Variants in SEL1L3 observed in about 807,000 individuals in gnomAD.
SEL1L3 encodes SEL1L family member 3.
A neutral mutation model predicts 142.8 loss-of-function variants in SEL1L3; 76 were observed. The ratio of observed to expected loss-of-function variants is 0.53; its 90% confidence interval spans 0.44 to 0.64. The LOEUF (loss-of-function observed/expected upper bound fraction) is 0.64. SEL1L3 is among the 30% of genes least tolerant of loss of function. The pLI is 0.00. For synonymous variants in SEL1L3, 504 were observed against 519.6 expected, an observed-to-expected ratio of 0.97 and a Z score of 0.41; for missense variants, 1,262 against 1,381.7, an observed-to-expected ratio of 0.91 and a Z score of 1.37.
chr4:25,856,138 C>G (rs1717238436), intron 1 of SEL1L3, among the ~76,000 whole-genome samples: 1 of 152,200 alleles, frequency 6.6e-6, no homozygotes, highest in Non-Finnish European at 1.5e-5. Flanking sequence ...TTCCATTTCT[C>G]CACACCAAAA....
At chr4:25,725,715 G>A in the SEL1L3 span, among the ~76,000 whole-genome samples, 6 of 152,274 alleles carry the variant, frequency 3.9e-5, no homozygotes, top group East Asian at 1.2e-3. Context: ...CTGAAACTAA[G>A]GATTTCTCTT....
chr4:25,755,704 G>GA (rs760916347), intron 23 of SEL1L3, among the ~76,000 whole-genome samples: 5 of 152,230 alleles, frequency 3.3e-5, no homozygotes, highest in Non-Finnish European at 5.9e-5. Context: ...CATGGAGACA[G>GA]AAAAAAGAGA....
In SEL1L3 at chr4:25,830,142, A is replaced by G; in HGVS notation, c.1113T>C (p.Thr371=). 6.2e-7 allele frequency: 1 copy of G among 1,607,658 alleles called. No individual in the cohort carries two copies. Among genetic ancestry groups the G allele is most frequent in the Non-Finnish European group, 8.5e-7 (1 of 1,174,310 alleles). Residue 371 remains threonine, a synonymous_variant, in exon 6 of 24, where the codon ACT becomes ACC. Transcript: ENST00000399878. ...SFNGGQIVVT[T]SIGQDLKSYH... is the part of the protein sequence containing the mutation. The stretch of plus-strand genomic sequence containing the variant: ...AGCTTTTCAAATCCTGTCCAATGCT[A>G]GTGGTTACTACTATCTATGATGGGA...
At chr4:25,854,120 G>A (rs1157633947) in intron 1 of SEL1L3, among the ~76,000 whole-genome samples, 1 of 152,166 alleles carries the variant, frequency 6.6e-6, no homozygotes, top group Non-Finnish European at 1.5e-5. Flanking sequence ...TAGCCAGATG[G>A]TAAATATTTT....
chr4:25,776,363 GA>G lies in SEL1L3; in HGVS notation c.2586-4del, dbSNP rs35927722. On this transcript the variant is annotated splice_region_variant and splice_polypyrimidine_tract_variant and intron_variant, in intron 16 of 23. Transcript: ENST00000399878. ...TCTCAGCTACATGTTTTGCCCATCT[GA>G]AAAAAAAAAGGGAAGAGAAAATACG... 2,916 of 1,376,826 alleles carry G rather than the reference GA, an allele frequency of 2.1e-3. No homozygotes were observed. Among genetic ancestry groups the G allele is most frequent in the Admixed American group, 4.8e-3 (233 of 48,902 alleles). 85.3% of individuals were successfully genotyped at this position (1,376,826 alleles called of 1,614,324 possible).
At chr4:25,852,850 G>A (rs1323529447) in intron 1 of SEL1L3, among the ~76,000 whole-genome samples, 1 of 152,148 alleles carries the variant, frequency 6.6e-6, no homozygotes, top group Non-Finnish European at 1.5e-5. Flanking sequence ...AGGGGTGTCA[G>A]ATTTTTAGTG....
intron 9 of SEL1L3, among the ~76,000 whole-genome samples, chr4:25,816,097 T>C (rs955339976): frequency 6.8e-6 from 1 of 147,030 alleles, no homozygotes; most frequent in African/African-American, 2.5e-5. Context: ...TTATATATTA[T>C]ATATTTATAT....
the SEL1L3 span, among the ~76,000 whole-genome samples, chr4:25,727,088 T>C: frequency 9.8e-5 from 6 of 61,500 alleles, no homozygotes; most frequent in Non-Finnish European, 3.2e-5. Context: ...AGTCTCGCTC[T>C]GTCACCCAGG....
At chr4:25,751,606 A>G (rs1176253144) in intron 23 of SEL1L3, among the ~76,000 whole-genome samples, 1 of 151,712 alleles carries the variant, frequency 6.6e-6, no homozygotes, top group African/African-American at 2.4e-5. Context: ...AGTCAAACAC[A>G]AGTTCCCTTG....
At chr4:25,789,924 G>A (rs552943375) in intron 12 of SEL1L3, among the ~76,000 whole-genome samples, 82 of 152,210 alleles carry the variant, frequency 5.4e-4, no homozygotes, top group Non-Finnish European at 8.4e-4. Context: ...ATGTTCAAGA[G>A]ACAAGGTTGA....
intron 23 of SEL1L3, chr4:25,756,068 G>C: frequency 2.0e-6 from 2 of 985,374 alleles, no homozygotes; most frequent in Non-Finnish European, 2.4e-6. Flanking sequence ...TTGCAACAGT[G>C]ACTTCCTTCT....
intron 7 of SEL1L3, 59 bp from the exon 8 acceptor site, chr4:25,819,999 C>A: frequency 1.3e-6 from 2 of 1,504,254 alleles, no homozygotes; most frequent in Non-Finnish European, 1.8e-6. Flanking sequence ...CCATCCACCT[C>A]TAGGAGGATG....
intron 23 of SEL1L3, among the ~76,000 whole-genome samples, chr4:25,757,247 G>A (rs919270671): frequency 2.0e-5 from 3 of 151,932 alleles, no homozygotes; most frequent in Middle Eastern, 3.4e-3. Context: ...CAGCCTGGGC[G>A]ACAGAACGAG....
intron 9 of SEL1L3, among the ~76,000 whole-genome samples, chr4:25,805,393 G>C (rs1713485903): frequency 6.6e-6 from 1 of 152,186 alleles, no homozygotes; most frequent in South Asian, 2.1e-4. Context: ...GCCTGGAGAA[G>C]AATAACTTGT....
chr4:25,790,434 G>C (rs1712213189), intron 12 of SEL1L3, 21 bp downstream of exon 12: 31 of 1,612,822 alleles, frequency 1.9e-5, no homozygotes, highest in Non-Finnish European at 2.6e-5. Context: ...GAATCCCCAA[G>C]ACAGTAGCCT....
chr4:25,746,873 C>T (rs1212266163), downstream of SEL1L3, among the ~76,000 whole-genome samples: 1 of 151,980 alleles, frequency 6.6e-6, no homozygotes, highest in Non-Finnish European at 1.5e-5. Flanking sequence ...TGACCTAATA[C>T]AAGACTCTAT....
At chr4:25,749,505 T>A (rs1717449369) in intron 23 of SEL1L3, among the ~76,000 whole-genome samples, 1 of 152,178 alleles carries the variant, frequency 6.6e-6, no homozygotes, top group Non-Finnish European at 1.5e-5. Context: ...GTGTGAGGAC[T>A]CCCCTTCTTC....
At chr4:25,858,572 A>G (rs1205279886) in intron 1 of SEL1L3, among the ~76,000 whole-genome samples, 1 of 149,426 alleles carries the variant, frequency 6.7e-6, no homozygotes, top group African/African-American at 2.5e-5. Flanking sequence ...GTTTTTTTTG[A>G]TTTTTTTGTT....
intron 15 of SEL1L3, among the ~76,000 whole-genome samples, chr4:25,781,073 G>A (rs779821706): frequency 6.6e-6 from 1 of 151,834 alleles, no homozygotes; most frequent in African/African-American, 2.4e-5. Flanking sequence ...TTGAACTCCT[G>A]AGCTCAAGTG....
Sources: allele counts gnomAD v4.1 joint callset (sites outside exome capture counted in the v4.1 genomes callset), GRCh38; gene constraint gnomAD v4.1.1; transcripts MANE v1.5; gene names NCBI Gene and HGNC (gene_info 2026-07-23, HGNC 2026-07-21).